Variants in RBMS2 observed in about 807,000 individuals in gnomAD.
RBMS2 encodes the protein RNA-binding motif, single-stranded-interacting protein 2.
In RBMS2, 38 loss-of-function variants were observed where a neutral mutation model predicts 58.4. The observed-to-expected ratio is 0.65, with a 90% CI of 0.50 to 0.85. RBMS2 has a LOEUF of 0.85. RBMS2 is among the 40% of genes least tolerant of loss of function. The probability of loss-of-function intolerance (pLI) is 0.00; values close to 1 mark genes in which losing one functional copy is unlikely to be tolerated. For missense variants in RBMS2, 367 were observed against 503.7 expected, an observed-to-expected ratio of 0.73 and a Z score of 2.60; for synonymous variants, 151 against 180.7, an observed-to-expected ratio of 0.84 and a Z score of 1.32.
In RBMS2 at chr12:56,581,887, T is replaced by G. The variant is rs763980513; in HGVS notation, c.779+8T>G. ...CACAGCTCTTCAGAATGGGTAAGGT[T>G]TTATATAATCAAGCCACCTGAAAAT... On this transcript the variant is annotated splice_region_variant and intron_variant, in intron 8 of 13. Transcript: ENST00000262031. The G allele has an allele frequency of 4.3e-6, 7 of 1,613,908 alleles. No individual in the cohort carries two copies. The highest frequency in any genetic ancestry group is 5.9e-6 in the Non-Finnish European group (7 of 1,179,796).
chr12:56,592,060 G>A lies in RBMS2; in HGVS notation c.*2927G>A, dbSNP rs1314055170. On this transcript the variant is annotated 3_prime_UTR_variant, in exon 14 of 14. Transcript: ENST00000262031. ...GGAGGAAAGGAGGGAGAAGAAAGGA[G>A]GGATACTGTTTCTCCCATGAAATAG... The A allele has an allele frequency of 3.3e-5, 5 of 152,172 alleles. No homozygotes were observed. The East Asian group carries it at 7.7e-4, about 23-fold the overall frequency. The allele number at this position is 152,172 out of a possible 1,614,324, so 9.4% of individuals were successfully genotyped here.
At chr12:56,581,942 G>T (rs1884013733) in intron 8 of RBMS2, 63 bp downstream of exon 8, 1 of 1,584,356 alleles carries the variant, frequency 6.3e-7, no homozygotes, top group Admixed American at 1.7e-5. Context: ...ACACTCAAAT[G>T]ATTCATCTTG....
chr12:56,555,832 C>T (rs1171575052), intron 1 of RBMS2, among the ~76,000 whole-genome samples: 1 of 151,952 alleles, frequency 6.6e-6, no homozygotes, highest in African/African-American at 2.4e-5. Context: ...CTCAAACAGT[C>T]CCCTCACTCA....
At chr12:56,540,050 T>C (rs938620837) in intron 1 of RBMS2, among the ~76,000 whole-genome samples, 1 of 152,194 alleles carries the variant, frequency 6.6e-6, no homozygotes, top group Admixed American at 6.5e-5. Context: ...CTAATGAAAA[T>C]AGGCCACAGC....
chr12:56,541,361 T>C (rs1363964615), intron 1 of RBMS2, among the ~76,000 whole-genome samples: 1 of 152,162 alleles, frequency 6.6e-6, no homozygotes, highest in Admixed American at 6.6e-5. Flanking sequence ...TTAACTCAAA[T>C]TGAATTACTA....
At chr12:56,555,464 G>T (rs963110213) in intron 1 of RBMS2, among the ~76,000 whole-genome samples, 3 of 150,310 alleles carry the variant, frequency 2.0e-5, no homozygotes, top group Non-Finnish European at 1.5e-5. Context: ...AAAGGAAGAA[G>T]AAGACCTTGG....
At position 56,589,134 on chromosome 12, in the gene RBMS2, C is replaced by T. The variant is rs1335102172; in HGVS notation, c.*7-6C>T. Reference sequence around the variant, plus strand: ...TTGTCTCCTCTCTGGCTTGTGCCTTCTTTAGGATTCCCCTCCCCATCTTTA... The same window carrying T: ...TTGTCTCCTCTCTGGCTTGTGCCTTTTTTAGGATTCCCCTCCCCATCTTTA... On this transcript the variant is annotated splice_polypyrimidine_tract_variant and splice_region_variant and intron_variant, in intron 13 of 13. Coordinates refer to ENST00000262031, the MANE Select transcript of RBMS2 (RefSeq NM_002898.4). 6.4e-7 allele frequency: 1 copy of T among 1,563,364 alleles called. No homozygotes were observed. Among genetic ancestry groups the T allele is most frequent in the Non-Finnish European group, 8.7e-7 (1 of 1,153,454 alleles).
Position 56,571,958 on chromosome 12 carries a change from C to T in RBMS2, c.542+103C>T, listed in dbSNP as rs374455064. ...GCCTTTCCCACACAAGGTCAAAATA[C>T]TTTACTATTATTCAAAAATACTTGA... On this transcript the variant is annotated intron_variant, in intron 5 of 13. Transcript: ENST00000262031. The T allele has an allele frequency of 4.2e-5, 49 of 1,171,296 alleles. 1 individual carries two copies. In the East Asian group the frequency reaches 7.6e-4, roughly 18 times the overall value. 72.6% of individuals were successfully genotyped at this position (1,171,296 alleles called of 1,614,324 possible).
intron 1 of RBMS2, among the ~76,000 whole-genome samples, chr12:56,548,656 G>A (rs1877692675): frequency 6.6e-6 from 1 of 152,196 alleles, no homozygotes; most frequent in South Asian, 2.1e-4. Context: ...CCAGGAATAT[G>A]TATTGTGGAT....
At chr12:56,586,348 C>T (rs1884668818) in intron 9 of RBMS2, among the ~76,000 whole-genome samples, 1 of 151,868 alleles carries the variant, frequency 6.6e-6, no homozygotes, top group South Asian at 2.1e-4. Context: ...AAAAAGTAGC[C>T]AGGTGTGGTG....
chr12:56,583,452 G>A (rs1245045824), intron 9 of RBMS2, among the ~76,000 whole-genome samples: 1 of 152,046 alleles, frequency 6.6e-6, no homozygotes. Flanking sequence ...TCAGGAGTTC[G>A]AGACCAGCCT....
At chr12:56,543,824 C>A (rs535211246) in intron 1 of RBMS2, among the ~76,000 whole-genome samples, 2 of 150,796 alleles carry the variant, frequency 1.3e-5, no homozygotes, top group South Asian at 2.1e-4. Context: ...TGCGCCACCA[C>A]GCCTGGCTAA....
At chr12:56,540,857 T>A (rs1875951349) in intron 1 of RBMS2, among the ~76,000 whole-genome samples, 2 of 152,124 alleles carry the variant, frequency 1.3e-5, no homozygotes, top group South Asian at 4.1e-4. Flanking sequence ...TCCCAGCACT[T>A]TGGGAGGTCA....
chr12:56,562,578 T>A lies in RBMS2; in HGVS notation c.228T>A (p.Cys76Ter). ...CTGACCAAGATCTTGTCAAGCTGTG[T>A]CAGCCGTAAGTTGGAGTACATGTGC... is the stretch of plus-strand genomic sequence containing the variant. ...GTTDQDLVKL[C>*]QPYGKIVSTK... Residue 76 changes from cysteine (C) to a stop codon, truncating the protein, a stop_gained, in exon 2 of 14, where the codon TGT becomes TGA. Transcript: ENST00000262031. LOFTEE classifies it high-confidence loss of function. 1 of 1,613,478 alleles carries A rather than the reference T, an allele frequency of 6.2e-7. No individual in the cohort carries two copies. The highest frequency in any genetic ancestry group is 1.1e-5 in the South Asian group (1 of 91,074).
At chr12:56,539,249 T>A (rs985771430) in intron 1 of RBMS2, among the ~76,000 whole-genome samples, 1 of 152,048 alleles carries the variant, frequency 6.6e-6, no homozygotes, top group Non-Finnish European at 1.5e-5. Flanking sequence ...ACTCCTGAAC[T>A]CAAGTGATTC....
chr12:56,536,200 C>CAAAAAA (rs71446560), intron 1 of RBMS2, among the ~76,000 whole-genome samples: 2 of 76,422 alleles, frequency 2.6e-5, no homozygotes, highest in African/African-American at 6.4e-5. Flanking sequence ...AACTCTGTCT[C>CAAAAAA]AAAAAAAAAA....
At chr12:56,556,694 C>G (rs1879296885) in intron 1 of RBMS2, among the ~76,000 whole-genome samples, 1 of 152,012 alleles carries the variant, frequency 6.6e-6, no homozygotes, top group Admixed American at 6.6e-5. Flanking sequence ...AGCTTTTAAG[C>G]AGCTGCTGAG....
At position 56,590,912 on chromosome 12, in the gene RBMS2, G is replaced by C. The variant is rs906335132; in HGVS notation, c.*1779G>C. ...AATGTTCCTTCTGTGGAAGGACAACGGGGAGCTAGGGTAGCAAAGAGCAAT... is the reference window on the plus strand; with the variant it reads ...AATGTTCCTTCTGTGGAAGGACAACCGGGAGCTAGGGTAGCAAAGAGCAAT... On this transcript the variant is annotated 3_prime_UTR_variant, in exon 14 of 14. Transcript: ENST00000262031. The C allele has an allele frequency of 6.6e-6, 1 of 152,248 alleles. No individual in the cohort carries two copies. Among genetic ancestry groups the C allele is most frequent in the Non-Finnish European group, 1.5e-5 (1 of 68,030 alleles). 9.4% of individuals were successfully genotyped at this position (152,248 alleles called of 1,614,324 possible). A position where few individuals can be genotyped will look rare whatever the true frequency, so the allele number is the denominator to read the frequency against.
chr12:56,535,958 A>T (rs957825981), intron 1 of RBMS2, among the ~76,000 whole-genome samples: 1 of 152,098 alleles, frequency 6.6e-6, no homozygotes, highest in Non-Finnish European at 1.5e-5. Flanking sequence ...GCACTTTGGG[A>T]GGCCAAGGCA....
Sources: allele counts gnomAD v4.1 joint callset (sites outside exome capture counted in the v4.1 genomes callset), GRCh38; gene constraint gnomAD v4.1.1; transcripts MANE v1.5; gene names NCBI Gene and HGNC (gene_info 2026-07-23, HGNC 2026-07-21).